USP8: variants seen among roughly 807,000 people sequenced by gnomAD.
USP8 encodes the protein ubiquitin specific peptidase 8.
In USP8, 27 loss-of-function variants were observed where a neutral mutation model predicts 130.0. That is an observed-to-expected ratio of 0.21 (90% CI 0.15 to 0.29). The LOEUF is 0.29. Among genes scored for constraint, USP8 ranks in the 10% least tolerant of loss-of-function variants. The probability of loss-of-function intolerance (pLI) is 1.00; values close to 1 mark genes in which losing one functional copy is unlikely to be tolerated. For synonymous variants in USP8, 392 were observed against 444.1 expected, an observed-to-expected ratio of 0.88 and a Z score of 1.48; for missense variants, 1,029 against 1,312.2, an observed-to-expected ratio of 0.78 and a Z score of 3.33.
intron 1 of USP8, among the ~76,000 whole-genome samples, chr15:50,425,147 C>G (rs773925572): frequency 6.6e-6 from 1 of 152,170 alleles, no homozygotes; most frequent in Non-Finnish European, 1.5e-5. Context: ...TATTTCTTGC[C>G]TCCAGTTCAT....
chr15:50,439,589 G>A (rs1246650151), intron 2 of USP8, among the ~76,000 whole-genome samples: 1 of 143,266 alleles, frequency 7.0e-6, no homozygotes, highest in East Asian at 2.1e-4. Context: ...AGGAGTTTGA[G>A]ACAAGCCTGG....
chr15:50,510,836 G>A lies in USP8; in HGVS notation c.*11748G>A, dbSNP rs992328360. On this transcript the variant is annotated 3_prime_UTR_variant, in exon 20 of 20. Coordinates refer to ENST00000307179, the MANE Select transcript of USP8 (RefSeq NM_005154.5). ...CTGTCTCCCAGGCTGGAGTGCAGTG[G>A]CGCTATCTCGGCTCACTGCAAGCTC... 4.6e-5 allele frequency: 7 copies of A among 152,090 alleles called. No individual in the cohort carries two copies. In the East Asian group the frequency reaches 1.3e-3, roughly 29 times the overall value. 9.4% of individuals were successfully genotyped at this position (152,090 alleles called of 1,614,324 possible). A position where few individuals can be genotyped will look rare whatever the true frequency, so the allele number is the denominator to read the frequency against.
In USP8 at chr15:50,439,186, T is replaced by C. The variant is rs1247420751; in HGVS notation, c.104+9T>C. 1.4e-6 allele frequency: 2 copies of C among 1,412,474 alleles called. No homozygotes were observed. Among genetic ancestry groups the C allele is most frequent in the African/African-American group, 1.5e-5 (1 of 67,108 alleles). 87.5% of individuals were successfully genotyped at this position (1,412,474 alleles called of 1,614,324 possible). On this transcript the variant is annotated intron_variant, in intron 2 of 19. Transcript: ENST00000307179. ...AAAATAAGCACTAAGAGGTATGATGTATCCTTCGCTAGTTTGATTGAATCA... is the reference window on the plus strand; with the variant it reads ...AAAATAAGCACTAAGAGGTATGATGCATCCTTCGCTAGTTTGATTGAATCA...
chr15:50,465,283 G>A (rs1394133794), intron 7 of USP8, 92 bp downstream of exon 7: 1 of 1,192,162 alleles, frequency 8.4e-7, no homozygotes, highest in African/African-American at 1.6e-5. Flanking sequence ...CAAGCTAAAT[G>A]TGATAAAGTA....
At chr15:50,462,597 T>C (rs1416018954) in intron 6 of USP8, among the ~76,000 whole-genome samples, 2 of 152,202 alleles carry the variant, frequency 1.3e-5, no homozygotes, top group South Asian at 2.1e-4. Context: ...CTTGTACTTG[T>C]TTTCTTTTCA....
intron 15 of USP8, chr15:50,493,849 G>C (rs1054255441): frequency 2.9e-6 from 2 of 686,420 alleles, no homozygotes; most frequent in East Asian, 5.7e-5. Flanking sequence ...TGTTGATGAT[G>C]AGGAGACCAT....
Position 50,485,550 on chromosome 15 carries a change from A to ATTTTTTTTTTTTTTTTTTTTTT in USP8, c.1890+1201_1890+1222dup, listed in dbSNP as rs71424071. Among the ~76,000 whole-genome samples the ATTTTTTTTTTTTTTTTTTTTTT allele has an allele frequency of 3.6e-4, 10 of 27,940 alleles. 2 individuals are homozygous for ATTTTTTTTTTTTTTTTTTTTTT. Among genetic ancestry groups the ATTTTTTTTTTTTTTTTTTTTTT allele is most frequent in the South Asian group, 2.4e-3 (1 of 414 alleles). 18.3% of individuals were successfully genotyped at this position (27,940 alleles called of 152,430 possible). A position where few individuals can be genotyped will look rare whatever the true frequency, so the allele number is the denominator to read the frequency against. ...CCCATTTTTAGCATGCAGTTTAGTG[A>ATTTTTTTTTTTTTTTTTTTTTT]TTTTTTTTTTTTTTTTTTTTTTTTT... On this transcript the variant is annotated intron_variant, in intron 12 of 19. Coordinates refer to ENST00000307179, the MANE Select transcript of USP8 (RefSeq NM_005154.5).
At chr15:50,457,564 G>GAAA (rs527284552) in intron 4 of USP8, among the ~76,000 whole-genome samples, 3 of 89,404 alleles carry the variant, frequency 3.4e-5, no homozygotes. Context: ...TCTCAAAAAA[G>GAAA]AAAAAAAAAA....
rs568988916 is a variant in USP8, at chr15:50,459,169, C to T, written c.498+7C>T. The stretch of plus-strand genomic sequence containing the variant: ...CAAAGACAAAACCCAAAAGGTATTT[C>T]AAATTTAATGTGTGAGTTAAAAGAC... On this transcript the variant is annotated splice_region_variant and intron_variant, in intron 5 of 19. Coordinates refer to ENST00000307179, the MANE Select transcript of USP8 (RefSeq NM_005154.5). 3.1e-6 allele frequency: 5 copies of T among 1,597,870 alleles called. No homozygotes were observed. In the African/African-American group the frequency reaches 5.4e-5, roughly 17 times the overall value.
At chr15:50,460,301 C>CTT (rs1168064692) in intron 5 of USP8, among the ~76,000 whole-genome samples, 340 of 77,262 alleles carry the variant, frequency 4.4e-3, no homozygotes, top group Non-Finnish European at 5.5e-3. Flanking sequence ...CCTGGCTCTT[C>CTT]TTTTTTTTTT....
chr15:50,487,994 T>G (rs1419420716), intron 12 of USP8, among the ~76,000 whole-genome samples: 1 of 152,176 alleles, frequency 6.6e-6, no homozygotes, highest in East Asian at 1.9e-4. Context: ...GCCTCGGCAA[T>G]GTAGTGAAAC....
At chr15:50,467,978 A>G (rs2051246535) in intron 7 of USP8, among the ~76,000 whole-genome samples, 2 of 151,552 alleles carry the variant, frequency 1.3e-5, no homozygotes, top group Non-Finnish European at 1.5e-5. Flanking sequence ...TCTGTCGCCC[A>G]GGCTGGAGTG....
intron 16 of USP8, among the ~76,000 whole-genome samples, chr15:50,495,359 T>TAG (rs1016362419): frequency 5.7e-5 from 6 of 104,872 alleles, no homozygotes; most frequent in African/African-American, 2.7e-4. Flanking sequence ...TATACATATA[T>TAG]AGAGAGAGAG....
intron 1 of USP8, among the ~76,000 whole-genome samples, chr15:50,427,336 C>A (rs1213811638): frequency 1.3e-5 from 2 of 152,042 alleles, no homozygotes; most frequent in African/African-American, 4.8e-5. Context: ...CCTATGGTCA[C>A]CCTATAGAAG....
intron 10 of USP8, among the ~76,000 whole-genome samples, chr15:50,480,095 C>T (rs747716499): frequency 1.3e-5 from 2 of 152,028 alleles, no homozygotes; most frequent in Admixed American, 6.6e-5. Flanking sequence ...AACATAAATT[C>T]GTTTTGTAAG....
chr15:50,475,849 C>T (rs2051550775), intron 8 of USP8, among the ~76,000 whole-genome samples: 1 of 151,952 alleles, frequency 6.6e-6, no homozygotes, highest in Non-Finnish European at 1.5e-5. Flanking sequence ...GTGATCCTCC[C>T]GCCTCGGCCT....
intron 15 of USP8, chr15:50,493,756 G>T: frequency 2.3e-6 from 1 of 430,750 alleles, no homozygotes; most frequent in African/African-American, 2.0e-5. Flanking sequence ...TCAAAAAAGA[G>T]TAAAGCCTTC....
In USP8 at chr15:50,498,590, C is replaced by A; in HGVS notation, c.3039-6C>A. 1 of 1,603,856 alleles carries A rather than the reference C, an allele frequency of 6.2e-7. No homozygotes were observed. ...GTCAGTGTAATTGTAATGTTTTGTTCTGCAGTTTTTCCTACGATGGCAGGT... is the reference window on the plus strand; with the variant it reads ...GTCAGTGTAATTGTAATGTTTTGTTATGCAGTTTTTCCTACGATGGCAGGT... On this transcript the variant is annotated splice_region_variant and splice_polypyrimidine_tract_variant and intron_variant, in intron 18 of 19. Transcript: ENST00000307179.
At chr15:50,434,837 C>G (rs1417666489) in intron 1 of USP8, among the ~76,000 whole-genome samples, 2 of 152,164 alleles carry the variant, frequency 1.3e-5, no homozygotes, top group African/African-American at 4.8e-5. Flanking sequence ...CCAGGCTGGT[C>G]TCAAACTCCC....
Sources: allele counts gnomAD v4.1 joint callset (sites outside exome capture counted in the v4.1 genomes callset), GRCh38; gene constraint gnomAD v4.1.1; transcripts MANE v1.5; gene names NCBI Gene and HGNC (gene_info 2026-07-23, HGNC 2026-07-21).